The following SCAF11 variants were observed in gnomAD, a reference collection of about 807,000 sequenced individuals.
SCAF11 encodes the protein SR-related CTD associated factor 11, also known as protein SCAF11.
SCAF11 carries 47 observed loss-of-function variants against 140.5 expected under a neutral mutation model. The observed-to-expected ratio is 0.33, with a 90% CI of 0.26 to 0.43. The LOEUF is 0.43. SCAF11 is among the 20% of genes least tolerant of loss of function. The pLI is 1.00. For missense variants in SCAF11, 1,645 were observed against 1,705.1 expected (o/e 0.96, Z 0.62); for synonymous variants, 557 against 579.4 (o/e 0.96, Z 0.55).
intron 1 of SCAF11, among the ~76,000 whole-genome samples, chr12:45,966,622 G>C (rs533009813): frequency 6.6e-6 from 1 of 152,186 alleles, no homozygotes; most frequent in African/African-American, 2.4e-5. Flanking sequence ...CTGGCAATCA[G>C]AAAGCAGCAA....
In SCAF11 at chr12:45,925,079, C is replaced by T. The variant is rs1263505162; in HGVS notation, c.3560-5G>A. 1.3e-6 allele frequency: 2 copies of T among 1,579,446 alleles called. No homozygotes were observed. The highest frequency in any genetic ancestry group is 2.3e-5 in the East Asian group (1 of 44,412). ...TTTGGTCTTTTAGGCTAGAATCTAT[C>T]AAAAGAAAAAAAGCTTGTGAAAAAA... On this transcript the variant is annotated splice_region_variant and splice_polypyrimidine_tract_variant and intron_variant, in intron 11 of 14. Coordinates refer to ENST00000369367, the MANE Select transcript of SCAF11 (RefSeq NM_004719.3).
At chr12:45,986,495 A>T (rs1946462946) in intron 1 of SCAF11, among the ~76,000 whole-genome samples, 1 of 152,112 alleles carries the variant, frequency 6.6e-6, no homozygotes, top group Admixed American at 6.5e-5. Context: ...ATTCTCCCAG[A>T]TCTCTTGCTG....
intron 1 of SCAF11, among the ~76,000 whole-genome samples, chr12:45,972,773 A>C (rs559047820): frequency 4.1e-4 from 61 of 148,108 alleles, no homozygotes; most frequent in South Asian, 3.0e-3. Context: ...TTAAAAGAAA[A>C]CACCACCAAG....
intron 1 of SCAF11, among the ~76,000 whole-genome samples, chr12:45,968,918 T>G (rs976524588): frequency 2.6e-5 from 4 of 152,122 alleles, no homozygotes; most frequent in Non-Finnish European, 4.4e-5. Context: ...AGAGCGAGAC[T>G]CCATCTTAAA....
chr12:45,940,599 A>C (rs17096332), intron 6 of SCAF11, among the ~76,000 whole-genome samples: 3,200 of 152,306 alleles, frequency 0.021, 119 homozygotes, highest in African/African-American at 0.073. Context: ...ATGTTAATAC[A>C]TAATCTCAGA....
At chr12:45,989,866 G>A (rs1331862917) in intron 1 of SCAF11, among the ~76,000 whole-genome samples, 1 of 152,136 alleles carries the variant, frequency 6.6e-6, no homozygotes, top group Non-Finnish European at 1.5e-5. Flanking sequence ...CGCGACCAAA[G>A]TCTCCCAAGA....
At chr12:45,932,235 T>A (rs999491637) in intron 9 of SCAF11, among the ~76,000 whole-genome samples, 1 of 152,132 alleles carries the variant, frequency 6.6e-6, no homozygotes, top group East Asian at 1.9e-4. Context: ...GTTCTCAGTG[T>A]CCCTAGAGAC....
At chr12:45,963,959 A>C (rs1485367940) in intron 2 of SCAF11, 148 bp downstream of exon 2, 9 of 549,058 alleles carry the variant, frequency 1.6e-5, no homozygotes, top group Non-Finnish European at 2.2e-5. Flanking sequence ...TGGGAAGAAA[A>C]AAATGTGTAT....
At chr12:45,945,401 TG>T (rs1945398899) in intron 5 of SCAF11, 88 bp from the exon 6 acceptor site, 1 of 783,020 alleles carries the variant, frequency 1.3e-6, no homozygotes, top group Non-Finnish European at 2.1e-6. Flanking sequence ...TCCATCAAAA[TG>T]AAATCTATCA....
At chr12:45,949,100 G>T (rs1160599991) in intron 4 of SCAF11, among the ~76,000 whole-genome samples, 12 of 152,134 alleles carry the variant, frequency 7.9e-5, no homozygotes, top group Admixed American at 7.9e-4. Context: ...GATCAAATTT[G>T]TTTTTAGGAA....
chr12:45,953,933 G>A, intron 3 of SCAF11: 2 of 837,262 alleles, frequency 2.4e-6, no homozygotes. Flanking sequence ...AAAAAAACTT[G>A]GTTAATTAAC....
chr12:45,972,504 G>C (rs1223297171), intron 1 of SCAF11, among the ~76,000 whole-genome samples: 1 of 149,042 alleles, frequency 6.7e-6, no homozygotes, highest in Non-Finnish European at 1.5e-5. Flanking sequence ...AGGATCCCTT[G>C]AGCCCAGGAG....
rs769154448 is a variant in SCAF11, at chr12:45,924,888, A to C, written c.3746T>G (p.Ile1249Ser). 1.9e-6 allele frequency: 3 copies of C among 1,614,088 alleles called. No individual in the cohort carries two copies. The highest frequency in any genetic ancestry group is 2.5e-6 in the Non-Finnish European group (3 of 1,180,004). ...GAGATGCAAGGGTAGCTGAGGATGA[A>C]TGTTAAATGGATTGCGTTGGATGTT... is the stretch of plus-strand genomic sequence containing the variant. ...LMNIQRNPFN[I>S]HPQLPLHLHT... The change falls in exon 12 of 15, where the codon ATT (isoleucine) becomes AGT (serine). Residue 1249 changes from isoleucine (I) to serine (S), a missense_variant. Ile to Ser is a moderately radical substitution (Grantham distance 142). This residue lies in a region of SCAF11 where 1,582 missense variants were observed against 1,609.2 expected (regional missense o/e 0.98). Transcript: ENST00000369367.
intron 10 of SCAF11, among the ~76,000 whole-genome samples, chr12:45,930,427 G>A (rs1050655230): frequency 2.6e-5 from 4 of 151,526 alleles, no homozygotes; most frequent in Non-Finnish European, 5.9e-5. Flanking sequence ...CATTAAACCA[G>A]GTTTTGCGTT....
chr12:45,925,154 A>C, intron 11 of SCAF11, 80 bp from the exon 12 acceptor site: 1 of 1,117,078 alleles, frequency 9.0e-7, no homozygotes. Flanking sequence ...CACTGGTTAC[A>C]GTAAAATTAA....
chr12:45,924,889 T>C lies in SCAF11; in HGVS notation c.3745A>G (p.Ile1249Val). 1 of 1,614,016 alleles carries C rather than the reference T, an allele frequency of 6.2e-7. No individual in the cohort carries two copies. The highest frequency in any genetic ancestry group is 8.5e-7 in the Non-Finnish European group (1 of 1,179,986). The change falls in exon 12 of 15, where the codon ATT (isoleucine) becomes GTT (valine). Residue 1249 changes from isoleucine (I) to valine (V), a missense_variant. Transcript: ENST00000369367. ...LMNIQRNPFN[I>V]HPQLPLHLHT... ...AGATGCAAGGGTAGCTGAGGATGAA[T>C]GTTAAATGGATTGCGTTGGATGTTC... is the stretch of plus-strand genomic sequence containing the variant.
Position 45,927,574 on chromosome 12 carries a change from A to T in SCAF11, c.2127T>A (p.Phe709Leu), listed in dbSNP as rs1174462880. 3 of 1,613,578 alleles carry T rather than the reference A, an allele frequency of 1.9e-6. No individual in the cohort carries two copies. Among genetic ancestry groups the T allele is most frequent in the Non-Finnish European group, 2.5e-6 (3 of 1,179,958 alleles). Reference sequence around the variant, plus strand: ...GTATCATTTCATTGTTGTCCTCACTAAAATGCTTCTGAATCTGTTCAATGT... The same window carrying T: ...GTATCATTTCATTGTTGTCCTCACTTAAATGCTTCTGAATCTGTTCAATGT... ...KTHIEQIQKH[F>L]SEDNNEMIPM... Residue 709 changes from phenylalanine (F) to leucine (L), a missense_variant, in exon 11 of 15, where the codon TTT becomes TTA. By Grantham distance (22) the Phe-to-Leu change is conservative. Around this residue, in one of 2 missense-constraint regions of SCAF11, gnomAD observed 1,582 missense variants for 1,609.2 expected, o/e 0.98. Coordinates refer to ENST00000369367, the MANE Select transcript of SCAF11 (RefSeq NM_004719.3).
intron 11 of SCAF11, 42 bp from the exon 12 acceptor site, chr12:45,925,116 A>G: frequency 6.7e-7 from 1 of 1,496,882 alleles, no homozygotes; most frequent in African/African-American, 1.4e-5. Context: ...TCATGTTATA[A>G]ATCTCTTTAG....
chr12:45,923,343 CTTAT>C (rs1281286116), intron 12 of SCAF11, among the ~76,000 whole-genome samples, 189 bp from the exon 13 acceptor site: 1 of 152,030 alleles, frequency 6.6e-6, no homozygotes, highest in African/African-American at 2.4e-5. Context: ...TAAACGGGGC[CTTAT>C]TTAGATATGT....
Sources: allele counts gnomAD v4.1 joint callset (sites outside exome capture counted in the v4.1 genomes callset), GRCh38; gene constraint gnomAD v4.1.1; regional missense constraint gnomAD v4.1.1; transcripts MANE v1.5; gene names NCBI Gene and HGNC (gene_info 2026-07-23, HGNC 2026-07-21).